CLSTN2: variants seen among roughly 807,000 people sequenced by gnomAD.
The protein encoded by CLSTN2 is calsyntenin 2.
CLSTN2 carries 48 observed loss-of-function variants against 101.2 expected under a neutral mutation model. The observed-to-expected ratio is 0.47, with a 90% CI of 0.38 to 0.60. The LOEUF (loss-of-function observed/expected upper bound fraction) is 0.60, where lower values mean the gene tolerates loss of function less well. CLSTN2 is among the 20% of genes least tolerant of loss of function. The pLI, the probability that CLSTN2 is intolerant of heterozygous loss-of-function variation, is 0.00. For synonymous variants in CLSTN2, 481 were observed against 463.6 expected (o/e 1.04, Z -0.48); for missense variants, 1,160 against 1,238.2 (o/e 0.94, Z 0.95).
chr3:140,258,859 T>C (rs2107881223), intron 2 of CLSTN2, among the ~76,000 whole-genome samples: 1 of 152,304 alleles, frequency 6.6e-6, no homozygotes, highest in South Asian at 2.1e-4. Context: ...AAGAGACATC[T>C]GTGGAATTAT....
intron 1 of CLSTN2, among the ~76,000 whole-genome samples, chr3:140,059,942 C>T (rs1475350682): frequency 1.3e-5 from 2 of 152,066 alleles, no homozygotes; most frequent in Non-Finnish European, 1.5e-5. Context: ...CCTAATACAC[C>T]GATCTGGGGA....
chr3:140,264,643 A>G (rs898911684), intron 2 of CLSTN2, among the ~76,000 whole-genome samples: 6 of 151,980 alleles, frequency 3.9e-5, no homozygotes, highest in Non-Finnish European at 7.4e-5. Flanking sequence ...GCTATAGTTG[A>G]TAATGATTTC....
intron 1 of CLSTN2, among the ~76,000 whole-genome samples, chr3:140,104,567 A>C (rs993086018): frequency 4.6e-5 from 7 of 152,240 alleles, no homozygotes; most frequent in African/African-American, 1.4e-4. Flanking sequence ...AGCTTATACA[A>C]AATGCTCGCT....
chr3:140,457,883 A>C (rs746532484), intron 6 of CLSTN2, among the ~76,000 whole-genome samples: 5 of 152,264 alleles, frequency 3.3e-5, no homozygotes, highest in Non-Finnish European at 5.9e-5. Flanking sequence ...CTACAGCATG[A>C]GCATGAATTG....
intron 2 of CLSTN2, among the ~76,000 whole-genome samples, chr3:140,200,301 G>T (rs998613998): frequency 2.0e-5 from 3 of 152,076 alleles, no homozygotes; most frequent in Non-Finnish European, 4.4e-5. Context: ...ACTTAGTGCC[G>T]TAAAAAATTC....
intron 2 of CLSTN2, among the ~76,000 whole-genome samples, chr3:140,207,514 G>A (rs2010798796): frequency 6.6e-6 from 1 of 152,084 alleles, no homozygotes; most frequent in South Asian, 2.1e-4. Context: ...TCAGGAACTT[G>A]TTTTAAAAAT....
intron 2 of CLSTN2, among the ~76,000 whole-genome samples, chr3:140,349,334 T>C (rs1283168960): frequency 6.6e-6 from 1 of 152,248 alleles, no homozygotes; most frequent in Non-Finnish European, 1.5e-5. Context: ...TTGACTGTTT[T>C]CTTCATTTTA....
intron 8 of CLSTN2, among the ~76,000 whole-genome samples, chr3:140,478,225 C>G (rs969911484): frequency 6.6e-6 from 1 of 151,298 alleles, no homozygotes; most frequent in South Asian, 2.1e-4. Context: ...AAAAAATTAT[C>G]TAAATGGCAT....
intron 1 of CLSTN2, among the ~76,000 whole-genome samples, chr3:140,119,301 C>A (rs2009300537): frequency 6.6e-6 from 1 of 152,222 alleles, no homozygotes; most frequent in Non-Finnish European, 1.5e-5. Context: ...CTCCCGTTGT[C>A]TATAGCTCTG....
chr3:140,465,785 T>A (rs1933683565), intron 7 of CLSTN2, among the ~76,000 whole-genome samples: 1 of 152,206 alleles, frequency 6.6e-6, no homozygotes, highest in South Asian at 2.1e-4. Flanking sequence ...AAAGTCTATC[T>A]GAATCCAGGG....
At chr3:140,527,789 C>T (rs1227235676) in intron 8 of CLSTN2, among the ~76,000 whole-genome samples, 7 of 152,046 alleles carry the variant, frequency 4.6e-5, no homozygotes, top group African/African-American at 1.7e-4. Flanking sequence ...GAGCCAAAGG[C>T]CATTATTCTA....
At chr3:140,318,544 CAGG>C (rs1245057479) in intron 2 of CLSTN2, among the ~76,000 whole-genome samples, 1 of 152,196 alleles carries the variant, frequency 6.6e-6, no homozygotes, top group Non-Finnish European at 1.5e-5. Flanking sequence ...CCTCAGGTCT[CAGG>C]CTGTAACCTA....
intron 2 of CLSTN2, among the ~76,000 whole-genome samples, chr3:140,287,930 T>G (rs2086911140): frequency 6.6e-6 from 1 of 152,164 alleles, no homozygotes; most frequent in Non-Finnish European, 1.5e-5. Flanking sequence ...ATGAGCCAAA[T>G]AACACTTCAA....
intron 1 of CLSTN2, among the ~76,000 whole-genome samples, chr3:140,141,556 C>T (rs1283743870): frequency 6.6e-6 from 1 of 152,198 alleles, no homozygotes; most frequent in Non-Finnish European, 1.5e-5. Context: ...AGCCAGACAA[C>T]CCCTTGGCCT....
chr3:140,374,571 C>T (rs927927792), intron 2 of CLSTN2, among the ~76,000 whole-genome samples: 2 of 152,104 alleles, frequency 1.3e-5, no homozygotes, highest in South Asian at 4.2e-4. Context: ...AAAGAAGACC[C>T]CAGATATTAA....
intron 2 of CLSTN2, 66 bp from the exon 3 acceptor site, chr3:140,403,563 T>A (rs1249104986): frequency 3.4e-5 from 46 of 1,353,042 alleles, no homozygotes; most frequent in Non-Finnish European, 4.7e-5. Context: ...TCTGGTCCAA[T>A]GGAAGCACTG....
At chr3:140,346,692 C>A (rs2087549669) in intron 2 of CLSTN2, among the ~76,000 whole-genome samples, 1 of 152,148 alleles carries the variant, frequency 6.6e-6, no homozygotes, top group Non-Finnish European at 1.5e-5. Context: ...TCACAGTCAG[C>A]CTCTCCCTTT....
rs1559866636 is a variant in CLSTN2, at chr3:140,427,189, A to ATATATATATGTGTG, written c.787+5924_787+5925insGTGTGTATATATAT. On this transcript the variant is annotated intron_variant, in intron 5 of 16. Transcript: ENST00000458420. ...AGACTGTCTCAAAAAAAAAAAATAT[A>ATATATATATGTGTG]TATATATATATATATGTGTATATAT... Among the ~76,000 whole-genome samples the ATATATATATGTGTG allele has an allele frequency of 7.8e-4, 62 of 79,550 alleles. 2 individuals carry two copies. Among genetic ancestry groups the ATATATATATGTGTG allele is most frequent in the African/African-American group, 5.4e-3 (58 of 10,644 alleles). The allele number at this position is 79,550 out of a possible 152,430, so 52.2% of individuals were successfully genotyped here. A position where few individuals can be genotyped will look rare whatever the true frequency, so the allele number is the denominator to read the frequency against.
chr3:140,463,338 G>A (rs1473779273), intron 7 of CLSTN2, among the ~76,000 whole-genome samples: 1 of 152,228 alleles, frequency 6.6e-6, no homozygotes, highest in Non-Finnish European at 1.5e-5. Flanking sequence ...TTCTAAGAGA[G>A]AGGGGCCAAC....
Sources: gnomAD v4.1 joint callset for allele counts (sites outside exome capture counted in the v4.1 genomes callset) on GRCh38, gnomAD v4.1.1 for gene constraint, MANE v1.5 for transcripts, NCBI Gene and HGNC (gene_info 2026-07-23, HGNC 2026-07-21) for gene names.